The following TSPAN9 variants were observed in gnomAD, a reference collection of about 807,000 sequenced individuals.
TSPAN9 encodes the protein tetraspanin-9.
Under a neutral mutation model 31.0 loss-of-function variants are expected in TSPAN9, and 16 were observed. The observed-to-expected ratio is 0.52, with a 90% confidence interval of 0.35 to 0.78. TSPAN9 has a LOEUF of 0.78. TSPAN9 is among the 30% of genes least tolerant of loss of function. The pLI is 0.01. For missense variants in TSPAN9, 272 were observed against 312.5 expected (o/e 0.87, Z 0.98); for synonymous variants, 145 against 121.6 (o/e 1.19, Z -1.27).
At chr12:3,253,106 T>A (rs927913285) in intron 3 of TSPAN9, among the ~76,000 whole-genome samples, 1 of 152,072 alleles carries the variant, frequency 6.6e-6, no homozygotes, top group Admixed American at 6.6e-5. Context: ...TGCTCCTGTG[T>A]CCTCGGGGGT....
At chr12:3,277,721 T>C (rs370582129) in intron 3 of TSPAN9, among the ~76,000 whole-genome samples, 3 of 152,090 alleles carry the variant, frequency 2.0e-5, no homozygotes, top group Non-Finnish European at 2.9e-5. Context: ...AGGGGTGCTG[T>C]TGGGGAGAGT....
At chr12:3,260,496 C>A (rs188722139) in intron 3 of TSPAN9, among the ~76,000 whole-genome samples, 1 of 152,326 alleles carries the variant, frequency 6.6e-6, no homozygotes. Flanking sequence ...ACAGGGCGAA[C>A]CCTCATAGTC....
At chr12:3,211,557 T>C (rs1037891995) in intron 3 of TSPAN9, 10 of 936,588 alleles carry the variant, frequency 1.1e-5, no homozygotes, top group African/African-American at 5.0e-5. Flanking sequence ...TGACCTTTCA[T>C]TGAATTCATT....
intron 2 of TSPAN9, among the ~76,000 whole-genome samples, chr12:3,162,373 G>T (rs575464630): frequency 1.3e-5 from 2 of 152,334 alleles, no homozygotes; most frequent in African/African-American, 2.4e-5. Context: ...GTATGCAGCT[G>T]CATGCTAAAT....
rs1005794688 is a variant in TSPAN9, at chr12:3,205,858, A to G, written c.63+4602A>G. Among the ~76,000 whole-genome samples the G allele has an allele frequency of 5.3e-5, 8 of 152,156 alleles. No individual in the cohort carries two copies. In the South Asian group the frequency reaches 1.7e-3, roughly 32 times the overall value. Reference sequence around the variant, plus strand: ...GGTGCGGGGCCTGGCAGATACCCCAAGACTCCTGGAATGTGGCCGTGAGGG... The same window carrying G: ...GGTGCGGGGCCTGGCAGATACCCCAGGACTCCTGGAATGTGGCCGTGAGGG... On this transcript the variant is annotated intron_variant, in intron 3 of 8. Coordinates refer to ENST00000011898, the MANE Select transcript of TSPAN9 (RefSeq NM_006675.5).
intron 2 of TSPAN9, among the ~76,000 whole-genome samples, chr12:3,139,354 ACCTCCC>A (rs1167017934): frequency 2.0e-5 from 3 of 149,660 alleles, no homozygotes; most frequent in South Asian, 2.1e-4. Context: ...TTCTGTTCAC[ACCTCCC>A]CCTCCCCCTC....
chr12:3,121,109 A>G (rs1162724499), intron 2 of TSPAN9, among the ~76,000 whole-genome samples: 2 of 152,212 alleles, frequency 1.3e-5, no homozygotes, highest in African/African-American at 2.4e-5. Flanking sequence ...CCAACTCTGC[A>G]TAGTTAATAG....
At position 3,284,112 on chromosome 12, in the gene TSPAN9, C is replaced by T. The variant is rs1211094708; in HGVS notation, c.*996C>T. 6.5e-6 allele frequency: 1 copy of T among 152,758 alleles called. No individual in the cohort carries two copies. Among genetic ancestry groups the T allele is most frequent in the African/African-American group, 2.4e-5 (1 of 41,474 alleles). The allele number at this position is 152,758 out of a possible 1,614,324, so 9.5% of individuals were successfully genotyped here. On this transcript the variant is annotated 3_prime_UTR_variant, in exon 9 of 9. Transcript: ENST00000011898. Reference sequence around the variant, plus strand: ...TTTTTCTTTCTCCCTTCCTCCCGCTCTCTGCTGGCACGCGAGGCTTCCCCT... The same window carrying T: ...TTTTTCTTTCTCCCTTCCTCCCGCTTTCTGCTGGCACGCGAGGCTTCCCCT...
At chr12:3,146,350 G>A (rs900657665) in intron 2 of TSPAN9, among the ~76,000 whole-genome samples, 3 of 152,170 alleles carry the variant, frequency 2.0e-5, no homozygotes, top group Non-Finnish European at 2.9e-5. Flanking sequence ...TGTGGAGATG[G>A]TGGTCTCTGA....
chr12:3,277,142 A>G (rs532477864), intron 3 of TSPAN9, among the ~76,000 whole-genome samples: 3 of 152,286 alleles, frequency 2.0e-5, no homozygotes, highest in African/African-American at 7.2e-5. Flanking sequence ...CAGCAGTCCA[A>G]TAGGAAGGGG....
intron 2 of TSPAN9, among the ~76,000 whole-genome samples, chr12:3,116,402 G>C (rs567126104): frequency 6.6e-6 from 1 of 152,318 alleles, no homozygotes; most frequent in African/African-American, 2.4e-5. Context: ...CATCGTACTT[G>C]TCTTACTAGG....
chr12:3,235,680 G>A (rs148572604), intron 3 of TSPAN9, among the ~76,000 whole-genome samples: 2 of 152,304 alleles, frequency 1.3e-5, no homozygotes, highest in Non-Finnish European at 2.9e-5. Context: ...TCTGATGATG[G>A]CTGGTTATTT....
At chr12:3,241,452 C>T (rs767601164) in intron 3 of TSPAN9, among the ~76,000 whole-genome samples, 1 of 152,132 alleles carries the variant, frequency 6.6e-6, no homozygotes, top group Non-Finnish European at 1.5e-5. Context: ...ATACATGTGT[C>T]AATATAATTT....
rs574103460 is a variant in TSPAN9 at position 3,168,377 on chromosome 12, A to G, written c.-17-32800A>G. Reference sequence around the variant, plus strand: ...GGGAGCCAAAATCTGTGCCTTCGCAATATGTTCCGGGTGCTGTAGGGGTGC... The same window carrying G: ...GGGAGCCAAAATCTGTGCCTTCGCAGTATGTTCCGGGTGCTGTAGGGGTGC... On this transcript the variant is annotated intron_variant, in intron 2 of 8. Coordinates refer to ENST00000011898, the MANE Select transcript of TSPAN9 (RefSeq NM_006675.5). This position sits in a 1 kb window ranked among gnomAD's most constrained non-coding sequence, Gnocchi z 4.0. Among the ~76,000 whole-genome samples, 110 of 152,298 alleles carry G rather than the reference A, an allele frequency of 7.2e-4. No homozygotes were observed. Among genetic ancestry groups the G allele is most frequent in the African/African-American group, 2.4e-3 (98 of 41,554 alleles).
chr12:3,080,565 T>G (rs947335743), intron 1 of TSPAN9, among the ~76,000 whole-genome samples: 5 of 152,174 alleles, frequency 3.3e-5, no homozygotes, highest in Non-Finnish European at 1.5e-5. Flanking sequence ...CTTGAACTCC[T>G]GACCTCATGA....
intron 3 of TSPAN9, among the ~76,000 whole-genome samples, chr12:3,222,588 A>C (rs1227598852): frequency 6.6e-6 from 1 of 152,120 alleles, no homozygotes; most frequent in Non-Finnish European, 1.5e-5. Context: ...TGCTGCCCAG[A>C]GGTGACGCTG....
chr12:3,115,570 C>G (rs995261624), intron 2 of TSPAN9, among the ~76,000 whole-genome samples: 1 of 152,182 alleles, frequency 6.6e-6, no homozygotes, highest in Non-Finnish European at 1.5e-5. Context: ...GGTCCCAGAT[C>G]GGGGTGCCAG....
intron 2 of TSPAN9, among the ~76,000 whole-genome samples, chr12:3,186,324 G>A (rs912444650): frequency 6.6e-6 from 1 of 152,266 alleles, no homozygotes; most frequent in East Asian, 1.9e-4. Context: ...GAGAGATGGA[G>A]TGTGCTGGGG....
At chr12:3,086,125 C>T (rs1048520419) in intron 2 of TSPAN9, among the ~76,000 whole-genome samples, 8 of 152,202 alleles carry the variant, frequency 5.3e-5, no homozygotes, top group African/African-American at 1.9e-4. Flanking sequence ...CACAGCATAA[C>T]GAAATGAGAA....
Sources: allele counts gnomAD v4.1 joint callset (sites outside exome capture counted in the v4.1 genomes callset), GRCh38; gene constraint gnomAD v4.1.1; non-coding constraint Gnocchi (gnomAD v3.1); transcripts MANE v1.5; gene names NCBI Gene and HGNC (gene_info 2026-07-23, HGNC 2026-07-21).